Variants in UPRT observed in about 807,000 individuals in gnomAD.
UPRT encodes the protein uracil phosphoribosyltransferase homolog.
A neutral mutation model predicts 22.6 loss-of-function variants in UPRT; 5 were observed. The ratio of observed to expected loss-of-function variants is 0.22; its 90% CI spans 0.12 to 0.47. UPRT has a LOEUF of 0.47. Among genes scored for constraint, UPRT ranks in the 20% least tolerant of loss-of-function variants. The pLI is 0.99. For missense variants in UPRT, 181 were observed against 239.9 expected (o/e 0.75, Z 1.62); for synonymous variants, 77 against 87.7 (o/e 0.88, Z 0.68).
chrX:75,202,762 C>T (rs969385480), intron 4 of UPRT: 12 of 111,782 alleles, frequency 1.1e-4, no homozygotes, highest in African/African-American at 3.6e-4. Context: ...ATTAGCATGT[C>T]CATTGTGCAA....
intron 4 of UPRT, among the ~76,000 whole-genome samples, chrX:75,181,489 T>C (rs2082270016): frequency 8.9e-6 from 1 of 111,889 alleles, no homozygotes; most frequent in Admixed American, 9.5e-5. Flanking sequence ...GAGCGTGGAA[T>C]GTTTTTCCAT....
intron 4 of UPRT, among the ~76,000 whole-genome samples, chrX:75,211,651 C>T (rs1217815677): frequency 9.0e-6 from 1 of 111,342 alleles, no homozygotes; most frequent in Non-Finnish European, 1.9e-5. Flanking sequence ...GGGCTAGGAA[C>T]AAGGAGTCCA....
At chrX:75,265,629 C>T (rs868703201) in intron 4 of UPRT, among the ~76,000 whole-genome samples, 13 of 111,712 alleles carry the variant, frequency 1.2e-4, no homozygotes, top group Middle Eastern at 4.2e-3. Flanking sequence ...GTTCAAACTT[C>T]CTCCTTTAGC....
Position 75,296,244 on chromosome X carries a change from G to T in UPRT, c.430-98G>T, listed in dbSNP as rs764805970. The T allele has an allele frequency of 1.8e-5, 15 of 819,409 alleles. No individual in the cohort carries two copies. The South Asian group carries it at 3.7e-4, about 20-fold the overall frequency. The allele number at this position is 819,409 out of a possible 1,213,427, so 67.5% of individuals were successfully genotyped here. ...CCTCCACAAGTGAAACCTTTGCCTAGTGTGTTCATGACTCTGCCTACTGTT... is the reference window on the plus strand; with the variant it reads ...CCTCCACAAGTGAAACCTTTGCCTATTGTGTTCATGACTCTGCCTACTGTT... On this transcript the variant is annotated intron_variant, in intron 2 of 6. Transcript: ENST00000373383.
chrX:75,251,558 A>T (rs1368353142), intron 4 of UPRT, among the ~76,000 whole-genome samples: 1 of 111,588 alleles, frequency 9.0e-6, no homozygotes, highest in African/African-American at 3.3e-5. Flanking sequence ...CAATGAAATA[A>T]AAGAGGATAC....
At chrX:75,264,414 G>A (rs1241083564) in intron 4 of UPRT, among the ~76,000 whole-genome samples, 1 of 111,476 alleles carries the variant, frequency 9.0e-6, no homozygotes, top group African/African-American at 3.3e-5. Context: ...CTCCTGTATT[G>A]GGTGCATATA....
At chrX:75,253,383 T>A (rs1372545894) in intron 4 of UPRT, among the ~76,000 whole-genome samples, 1 of 111,955 alleles carries the variant, frequency 8.9e-6, no homozygotes, top group Non-Finnish European at 1.9e-5. Flanking sequence ...CAAGTAAGAA[T>A]GGCTATTAAT....
chrX:75,258,193 GTT>G (rs140894142), intron 4 of UPRT, among the ~76,000 whole-genome samples: 1,581 of 79,891 alleles, frequency 0.02, 55 homozygotes, highest in African/African-American at 0.068. Context: ...AGCTGCAGGT[GTT>G]TTTTTTTTTT....
intron 4 of UPRT, among the ~76,000 whole-genome samples, chrX:75,254,761 C>CTT (rs34395700): frequency 0.022 from 1,063 of 47,873 alleles, 59 homozygotes; most frequent in African/African-American, 0.064. Flanking sequence ...AGGAAAGAAT[C>CTT]TTTTTTTTTT....
At chrX:75,272,580 G>A (rs142963806), upstream of UPRT, among the ~76,000 whole-genome samples, 76 of 107,376 alleles carry the variant, frequency 7.1e-4, 1 homozygote, top group East Asian at 0.02. Flanking sequence ...TGGGGTCTTG[G>A]AGGAAAAGGG....
intron 4 of UPRT, among the ~76,000 whole-genome samples, chrX:75,189,172 G>T (rs952212385): frequency 3.6e-5 from 4 of 111,921 alleles, no homozygotes; most frequent in African/African-American, 1.3e-4. Flanking sequence ...AGAGATTCTG[G>T]TATGTTGTGT....
intron 4 of UPRT, among the ~76,000 whole-genome samples, chrX:75,189,182 T>C (rs2082306414): frequency 8.9e-6 from 1 of 112,295 alleles, no homozygotes; most frequent in Admixed American, 9.4e-5. Context: ...GTATGTTGTG[T>C]CTTTTTTCTC....
rs535444519 is a variant in UPRT, at chrX:75,258,136, G to A, written c.-446-32888G>A. Among the ~76,000 whole-genome samples, 11 of 110,221 alleles carry A rather than the reference G, an allele frequency of 1.0e-4. No individual in the cohort carries two copies. The South Asian group carries it at 4.4e-3, about 44-fold the overall frequency. On this transcript the variant is annotated intron_variant, in intron 4 of 13. Transcript: ENST00000652605. ...CTGGAGCCTATGCCACCAGGGCCCT[G>A]GGTTTCAAACACAAAACTAGGTAGC... is the stretch of plus-strand genomic sequence containing the variant.
intron 2 of UPRT, among the ~76,000 whole-genome samples, chrX:75,160,984 T>TATAC (rs1359723765): frequency 8.9e-6 from 1 of 112,866 alleles, no homozygotes; most frequent in East Asian, 2.8e-4. Flanking sequence ...CAAACATATA[T>TATAC]ATACATTTAT....
chrX:75,237,737 G>A (rs1219015895), intron 4 of UPRT, among the ~76,000 whole-genome samples: 1 of 97,348 alleles, frequency 1.0e-5, no homozygotes, highest in African/African-American at 3.8e-5. Flanking sequence ...TCATAGGTGA[G>A]AATTGAACAA....
At chrX:75,205,421 T>C (rs2082362917) in intron 4 of UPRT, among the ~76,000 whole-genome samples, 1 of 104,016 alleles carries the variant, frequency 9.6e-6, no homozygotes, top group Non-Finnish European at 2.0e-5. Context: ...AAAGAGAAGA[T>C]TTGAAATTAG....
At chrX:75,292,861 A>C (rs964671564) in intron 1 of UPRT, among the ~76,000 whole-genome samples, 1 of 111,632 alleles carries the variant, frequency 9.0e-6, no homozygotes, top group Non-Finnish European at 1.9e-5. Context: ...AATGGACAGG[A>C]AAATGGCAGA....
intron 4 of UPRT, among the ~76,000 whole-genome samples, chrX:75,241,751 T>C (rs865890717): frequency 8.9e-6 from 1 of 111,841 alleles, no homozygotes; most frequent in Non-Finnish European, 1.9e-5. Flanking sequence ...TGTAACGGAA[T>C]GAATCAATGG....
intron 4 of UPRT, among the ~76,000 whole-genome samples, chrX:75,251,621 A>G (rs967601632): frequency 5.4e-5 from 6 of 111,980 alleles, no homozygotes; most frequent in African/African-American, 1.9e-4. Context: ...GAATGTCGTG[A>G]AAATGGCCAT....
Sources: gnomAD v4.1 joint callset for allele counts (sites outside exome capture counted in the v4.1 genomes callset) on GRCh38, gnomAD v4.1.1 for gene constraint, MANE v1.5 for transcripts, NCBI Gene and HGNC (gene_info 2026-07-23, HGNC 2026-07-21) for gene names.